The following SHANK2 variants were observed in gnomAD, a reference collection of about 807,000 sequenced individuals.
The protein encoded by SHANK2 is SH3 and multiple ankyrin repeat domains 2.
Under a neutral mutation model 133.7 loss-of-function variants are expected in SHANK2, and 43 were observed. That is an observed-to-expected ratio of 0.32 (90% CI 0.25 to 0.41). The LOEUF (loss-of-function observed/expected upper bound fraction) is 0.41, where lower values mean the gene tolerates loss of function less well. Ranked by LOEUF, SHANK2 falls within the 10% of genes least tolerant of loss-of-function variation. The pLI is 1.00. For missense variants in SHANK2, 1,994 were observed against 2,235.8 expected, an observed-to-expected ratio of 0.89 and a Z score of 2.18; for synonymous variants, 1,017 against 952.8, an observed-to-expected ratio of 1.07 and a Z score of -1.24.
At chr11:70,640,877 C>T (rs1013193263) in intron 17 of SHANK2, among the ~76,000 whole-genome samples, 3 of 152,100 alleles carry the variant, frequency 2.0e-5, no homozygotes, top group Non-Finnish European at 2.9e-5. Flanking sequence ...ACCTGCTTAG[C>T]ACCATGAGTG....
chr11:70,616,429 T>C (rs1169884979), intron 17 of SHANK2, among the ~76,000 whole-genome samples: 2 of 151,958 alleles, frequency 1.3e-5, no homozygotes, highest in African/African-American at 4.8e-5. Flanking sequence ...GAGGGTGAGC[T>C]GAGCAGAGGA....
intron 17 of SHANK2, among the ~76,000 whole-genome samples, chr11:70,574,306 TGG>T (rs2060088744): frequency 6.6e-6 from 1 of 152,224 alleles, no homozygotes; most frequent in African/African-American, 2.4e-5. Flanking sequence ...CACAGCCTGC[TGG>T]GAACTCATAC....
chr11:70,531,492 A>G (rs797034967), intron 17 of SHANK2, among the ~76,000 whole-genome samples: 14 of 152,242 alleles, frequency 9.2e-5, no homozygotes, highest in African/African-American at 3.4e-4. Context: ...GACTGTTCCC[A>G]GGTCACGGTT....
chr11:70,601,288 C>CGGCTCAAAG (rs537405057), intron 17 of SHANK2, among the ~76,000 whole-genome samples: 368 of 151,624 alleles, frequency 2.4e-3, no homozygotes, highest in Non-Finnish European at 4.5e-3. Flanking sequence ...GGCACGATCT[C>CGGCTCAAAG]GGCTCACTGC....
At chr11:70,717,499 G>T (rs1310282876) in intron 14 of SHANK2, among the ~76,000 whole-genome samples, 1 of 152,102 alleles carries the variant, frequency 6.6e-6, no homozygotes. Context: ...TAGCCTCGGG[G>T]CGCCCAGCAA....
intron 17 of SHANK2, chr11:70,635,508 T>C (rs1195404516): frequency 7.6e-6 from 1 of 131,616 alleles, no homozygotes; most frequent in Admixed American, 8.2e-5. Flanking sequence ...GTCCCTAGAG[T>C]GGTCAAATTC....
intron 14 of SHANK2, among the ~76,000 whole-genome samples, chr11:70,786,327 G>C (rs981303101): frequency 5.3e-5 from 8 of 152,156 alleles, no homozygotes; most frequent in Non-Finnish European, 1.0e-4. Context: ...ATGGGCAGGG[G>C]CTGGGTGGAG....
At chr11:70,869,762 G>A (rs956380640) in intron 11 of SHANK2, among the ~76,000 whole-genome samples, 10 of 152,170 alleles carry the variant, frequency 6.6e-5, no homozygotes, top group Admixed American at 1.3e-4. Context: ...CAGGGGGCTC[G>A]ACGGGGAGTC....
rs1178097058 is a variant in SHANK2 at position 71,252,135 on chromosome 11, T to C, written c.-113+290A>G. ...ATAAAGCGGGGGCTCCTTCCTGCGC[T>C]CTGCCCCCACGCCGCTTCCAAAGCT... On this transcript the variant is annotated intron_variant, in intron 1 of 25. Transcript: ENST00000601538. The surrounding 1 kb of genome is among the most constrained non-coding windows in gnomAD (Gnocchi z 6.3). 6.6e-6 allele frequency among the ~76,000 whole-genome samples: 1 copy of C among 152,130 alleles called. No homozygotes were observed. The highest frequency in any genetic ancestry group is 1.9e-4 in the East Asian group (1 of 5,160).
At chr11:71,186,148 T>C (rs2135562308) in intron 2 of SHANK2, among the ~76,000 whole-genome samples, 1 of 152,288 alleles carries the variant, frequency 6.6e-6, no homozygotes, top group South Asian at 2.1e-4. Context: ...CTGAACCCAA[T>C]TTGATGCCCA....
intron 10 of SHANK2, among the ~76,000 whole-genome samples, chr11:70,897,648 C>T (rs1949955909): frequency 1.3e-5 from 2 of 152,132 alleles, no homozygotes; most frequent in African/African-American, 4.8e-5. Context: ...CATGGGCTTA[C>T]TTCATTTGTT....
intron 17 of SHANK2, among the ~76,000 whole-genome samples, chr11:70,530,053 C>G: frequency 6.6e-6 from 1 of 152,114 alleles, no homozygotes; most frequent in South Asian, 2.1e-4. Flanking sequence ...AATTCCACTC[C>G]TGGGTACAGA....
chr11:71,251,542 G>A (rs1948179693), intron 1 of SHANK2, among the ~76,000 whole-genome samples: 1 of 151,608 alleles, frequency 6.6e-6, no homozygotes, highest in Non-Finnish European at 1.5e-5. Context: ...CGGGCTGGGC[G>A]GGCGGAGCTG....
Position 71,178,802 on chromosome 11 carries a change from G to A in SHANK2, c.-12-31464C>T, listed in dbSNP as rs544155864. On this transcript the variant is annotated intron_variant, in intron 2 of 25. Transcript: ENST00000601538. ...AGTTCAAGACCAGCCTGGCCAACACGGTGAAACACTGTCTCTACTAAAAAT... is the reference window on the plus strand; with the variant it reads ...AGTTCAAGACCAGCCTGGCCAACACAGTGAAACACTGTCTCTACTAAAAAT... 7.3e-5 allele frequency among the ~76,000 whole-genome samples: 11 copies of A among 151,230 alleles called. No homozygotes were observed. The South Asian group carries it at 2.1e-3, about 29-fold the overall frequency.
intron 2 of SHANK2, among the ~76,000 whole-genome samples, chr11:71,195,408 C>T (rs1015848404): frequency 6.6e-6 from 1 of 150,692 alleles, no homozygotes; most frequent in African/African-American, 2.4e-5. Context: ...AAAAAAAGTG[C>T]CTAACCAATT....
At chr11:70,768,475 C>T (rs543507180) in intron 14 of SHANK2, among the ~76,000 whole-genome samples, 7 of 152,188 alleles carry the variant, frequency 4.6e-5, no homozygotes, top group Admixed American at 2.0e-4. Context: ...CTTGGAGTGG[C>T]GGCACAGTGG....
intron 1 of SHANK2, among the ~76,000 whole-genome samples, chr11:71,234,609 C>T (rs1319320902): frequency 1.3e-5 from 2 of 152,200 alleles, no homozygotes; most frequent in Admixed American, 6.5e-5. Context: ...GCCCGAGCCT[C>T]GGTCCCCTTT....
chr11:70,487,055 C>T lies in SHANK2; in HGVS notation c.3238G>A (p.Ala1080Thr), dbSNP rs782444293. 1.2e-5 allele frequency: 20 copies of T among 1,608,766 alleles called. No homozygotes were observed. The highest frequency in any genetic ancestry group is 8.3e-5 in the Admixed American group (5 of 59,966). The change falls in exon 25 of 26, where the codon GCC becomes ACC. Residue 1080 changes from alanine to threonine, a missense_variant. By Grantham distance (58) the Ala-to-Thr change is moderately conservative. Transcript: ENST00000601538. This position sits in a 1 kb window ranked among gnomAD's most constrained non-coding sequence, Gnocchi z 5.8. The stretch of plus-strand genomic sequence containing the variant: ...TCGCGGACGGCTCCGGCGATGGCGG[C>T]GGCAAAGGGGCTGCTGACGGTCAGG... ...ESLTVSSPFAAAIAGAVRDRE... is the reference protein window; with the variant it reads ...ESLTVSSPFATAIAGAVRDRE...
Position 70,695,723 on chromosome 11 carries a change from G to A in SHANK2, c.1853+2965C>T, listed in dbSNP as rs564998528. 2.3e-4 allele frequency among the ~76,000 whole-genome samples: 35 copies of A among 152,312 alleles called. No individual in the cohort carries two copies. In the South Asian group the frequency reaches 3.7e-3, roughly 16 times the overall value. The stretch of plus-strand genomic sequence containing the variant: ...CTAGCAGGTGGAATGTAACACCTGC[G>A]TTACCAGGTTGCTGGGAGGCTCAGC... On this transcript the variant is annotated intron_variant, in intron 15 of 25. Coordinates refer to ENST00000601538, the MANE Select transcript of SHANK2 (RefSeq NM_012309.5).
Sources: allele counts gnomAD v4.1 joint callset (sites outside exome capture counted in the v4.1 genomes callset), GRCh38; gene constraint gnomAD v4.1.1; non-coding constraint Gnocchi (gnomAD v3.1); transcripts MANE v1.5; gene names NCBI Gene and HGNC (gene_info 2026-07-23, HGNC 2026-07-21).